The following HNF4G variants were observed in gnomAD, a reference collection of about 807,000 sequenced individuals.
The protein encoded by HNF4G is hepatocyte nuclear factor 4 gamma.
HNF4G carries 21 observed loss-of-function variants against 50.9 expected under a neutral mutation model. That is an observed-to-expected ratio of 0.41 (90% CI 0.29 to 0.59). The LOEUF is 0.59. HNF4G is among the 20% of genes least tolerant of loss of function. The pLI, the probability that HNF4G is intolerant of heterozygous loss-of-function variation, is 0.26. For missense variants in HNF4G, 527 were observed against 559.4 expected (o/e 0.94, Z 0.58); for synonymous variants, 198 against 185.6 (o/e 1.07, Z -0.54).
At chr8:75,559,763 T>C (rs2130816099) in intron 8 of HNF4G, among the ~76,000 whole-genome samples, 1 of 151,986 alleles carries the variant, frequency 6.6e-6, no homozygotes, top group South Asian at 2.1e-4. Flanking sequence ...TACAACCTAA[T>C]ACATATATAT....
chr8:75,483,021 G>A (rs935090453), intron 1 of HNF4G, among the ~76,000 whole-genome samples: 1 of 152,138 alleles, frequency 6.6e-6, no homozygotes, highest in Non-Finnish European at 1.5e-5. Context: ...TGAATATTAG[G>A]AGGGACAATT....
intron 1 of HNF4G, among the ~76,000 whole-genome samples, chr8:75,434,868 A>C (rs1423339484): frequency 6.6e-6 from 1 of 152,252 alleles, no homozygotes; most frequent in African/African-American, 2.4e-5. Context: ...ACATTTGAAG[A>C]AATAGAAAAA....
At chr8:75,409,304 C>T (rs1172127766) in intron 1 of HNF4G, among the ~76,000 whole-genome samples, 1 of 151,982 alleles carries the variant, frequency 6.6e-6, no homozygotes. Context: ...TTCCAAAGTG[C>T]TTTATGAAGG....
chr8:75,488,368 G>A (rs1202520833), intron 1 of HNF4G, among the ~76,000 whole-genome samples: 3 of 152,252 alleles, frequency 2.0e-5, no homozygotes, highest in Admixed American at 6.5e-5. Flanking sequence ...TTGCCTCCCA[G>A]GATCAAGCAA....
At position 75,512,450 on chromosome 8, in the gene HNF4G, C is replaced by CTATTAG. The variant is rs375236302; in HGVS notation, c.-24+22247_-24+22248insGTATTA. ...ATCTTTATTATTATTATTACTATTACTATTATTATTATTATTATTATTGTT... is the reference window on the plus strand; with the variant it reads ...ATCTTTATTATTATTATTACTATTACTATTAGTATTATTATTATTATTATTATTGTT... On this transcript the variant is annotated intron_variant, in intron 2 of 10. Transcript: ENST00000354370. 3.4e-5 allele frequency among the ~76,000 whole-genome samples: 5 copies of CTATTAG among 146,888 alleles called. No individual in the cohort carries two copies. In the East Asian group the frequency reaches 9.9e-4, roughly 29 times the overall value.
intron 1 of HNF4G, among the ~76,000 whole-genome samples, chr8:75,465,428 T>A (rs2130617006): frequency 6.6e-6 from 1 of 152,138 alleles, no homozygotes; most frequent in South Asian, 2.1e-4. Flanking sequence ...GTCAAGAAAA[T>A]CTTGAAGGCA....
intron 1 of HNF4G, among the ~76,000 whole-genome samples, chr8:75,454,949 A>G (rs77092904): frequency 0.1 from 15,538 of 152,240 alleles, 881 homozygotes; most frequent in Non-Finnish European, 0.12. Context: ...GAAACACACT[A>G]TATAGAAACA....
chr8:75,551,823 C>T (rs1806968075), intron 4 of HNF4G, among the ~76,000 whole-genome samples: 1 of 152,284 alleles, frequency 6.6e-6, no homozygotes, highest in East Asian at 1.9e-4. Flanking sequence ...GGAATCTGTA[C>T]AACCAGCTAC....
chr8:75,478,700 T>C (rs926687175), intron 1 of HNF4G, among the ~76,000 whole-genome samples: 6 of 152,134 alleles, frequency 3.9e-5, no homozygotes, highest in Admixed American at 3.9e-4. Flanking sequence ...AAGCTGGAGA[T>C]AGCTACGCAT....
intron 3 of HNF4G, 82 bp from the exon 4 acceptor site, chr8:75,551,306 T>TA (rs1048537388): frequency 0.031 from 19,435 of 617,966 alleles, 6 homozygotes; most frequent in East Asian, 0.04. Context: ...TTTTTTTACT[T>TA]AAAAAAAAAA....
chr8:75,531,143 G>A (rs1394258419), intron 2 of HNF4G, among the ~76,000 whole-genome samples: 2 of 151,910 alleles, frequency 1.3e-5, no homozygotes, highest in African/African-American at 4.8e-5. Context: ...AGAACCCTTT[G>A]AGATAGAAAT....
chr8:75,547,465 T>C (rs908950178), intron 2 of HNF4G, 122 bp from the exon 3 acceptor site: 237 of 693,508 alleles, frequency 3.4e-4, no homozygotes, highest in Non-Finnish European at 5.4e-4. Context: ...TAGCTGATTG[T>C]TCCTATACCT....
rs953889665 is a variant in HNF4G at position 75,478,190 on chromosome 8, T to A, written c.-143-11899T>A. 2.8e-4 allele frequency among the ~76,000 whole-genome samples: 42 copies of A among 152,010 alleles called. 2 individuals are homozygous for A. ...TAACCAGGGCGTGGTGGCGGGTGCC[T>A]GTGATCCCAGCTCCTTGGTAGGTTG... On this transcript the variant is annotated intron_variant, in intron 1 of 10. Coordinates refer to the HNF4G transcript ENST00000354370.
chr8:75,493,471 A>T (rs960764171), intron 2 of HNF4G, among the ~76,000 whole-genome samples: 1 of 152,180 alleles, frequency 6.6e-6, no homozygotes, highest in Non-Finnish European at 1.5e-5. Context: ...AAAGTGTAAG[A>T]GATTGTCCAT....
At chr8:75,409,487 T>C (rs1194379252) in intron 1 of HNF4G, among the ~76,000 whole-genome samples, 1 of 139,946 alleles carries the variant, frequency 7.1e-6, no homozygotes, top group Non-Finnish European at 1.5e-5. Context: ...GTTCTTTTTT[T>C]TTTTTTTTTT....
At chr8:75,461,323 C>A (rs1345181847) in intron 1 of HNF4G, among the ~76,000 whole-genome samples, 1 of 152,102 alleles carries the variant, frequency 6.6e-6, no homozygotes, top group African/African-American at 2.4e-5. Context: ...TGGCTCCATT[C>A]CTTGGCCCCT....
At chr8:75,449,273 T>G (rs555115457) in intron 1 of HNF4G, among the ~76,000 whole-genome samples, 1 of 152,296 alleles carries the variant, frequency 6.6e-6, no homozygotes, top group Admixed American at 6.5e-5. Flanking sequence ...GGGTCTCATA[T>G]GGTTTCTGTT....
intron 2 of HNF4G, among the ~76,000 whole-genome samples, chr8:75,531,091 G>A (rs1482546366): frequency 2.0e-5 from 3 of 151,990 alleles, no homozygotes; most frequent in African/African-American, 7.3e-5. Flanking sequence ...ACCATGCCCG[G>A]CCTCAATGTG....
chr8:75,552,478 T>A (rs1806987496), intron 4 of HNF4G, among the ~76,000 whole-genome samples: 1 of 152,144 alleles, frequency 6.6e-6, no homozygotes, highest in Non-Finnish European at 1.5e-5. Flanking sequence ...TCTTACAAAT[T>A]TATTATATGT....
Sources: gnomAD v4.1 joint callset for allele counts (sites outside exome capture counted in the v4.1 genomes callset) on GRCh38, gnomAD v4.1.1 for gene constraint, MANE v1.5 for transcripts, NCBI Gene and HGNC (gene_info 2026-07-23, HGNC 2026-07-21) for gene names.